The following DEPTOR variants were observed in gnomAD, a reference collection of about 807,000 sequenced individuals.
The protein encoded by DEPTOR is DEP domain containing MTOR interacting protein, also known as DEP domain-containing mTOR-interacting protein.
A neutral mutation model predicts 41.6 loss-of-function variants in DEPTOR; 41 were observed. The observed-to-expected ratio is 0.98, with a 90% CI of 0.77 to 1.28. The LOEUF (loss-of-function observed/expected upper bound fraction) is 1.28. Among genes scored for constraint, DEPTOR ranks in the 50% most tolerant of loss-of-function variants. The pLI is 0.00. For synonymous variants in DEPTOR, 195 were observed against 192.3 expected (o/e 1.01, Z -0.12); for missense variants, 514 against 527.9 (o/e 0.97, Z 0.26).
chr8:119,906,646 A>G (rs1051646089), intron 1 of DEPTOR, among the ~76,000 whole-genome samples: 1 of 152,066 alleles, frequency 6.6e-6, no homozygotes. Flanking sequence ...TAGGCACCCA[A>G]TAAATATGGA....
chr8:119,970,985 T>C (rs986714452), intron 4 of DEPTOR, among the ~76,000 whole-genome samples: 4 of 152,032 alleles, frequency 2.6e-5, no homozygotes, highest in African/African-American at 4.8e-5. Flanking sequence ...AATCCCAGCA[T>C]TCTGGGAGGC....
intron 1 of DEPTOR, among the ~76,000 whole-genome samples, chr8:119,900,380 C>CTTTTTTTTTTTTTGTTTTT (rs1827574251): frequency 2.3e-5 from 1 of 43,908 alleles, no homozygotes; most frequent in Non-Finnish European, 3.5e-5. Context: ...CACCCCTCAC[C>CTTTTTTTTTTTTTGTTTTT]TTTTTTTTTT....
chr8:120,026,416 T>C (rs1043926835), intron 8 of DEPTOR, among the ~76,000 whole-genome samples: 8 of 147,736 alleles, frequency 5.4e-5, no homozygotes, highest in African/African-American at 2.0e-4. Context: ...GATCTCGGCT[T>C]ACTGCAACCT....
chr8:120,020,970 A>C (rs1812697795), intron 8 of DEPTOR, among the ~76,000 whole-genome samples: 1 of 151,846 alleles, frequency 6.6e-6, no homozygotes, highest in African/African-American at 2.4e-5. Context: ...GAGGCAAGAG[A>C]ATCACTCGAA....
At chr8:119,990,185 G>A (rs748805074) in intron 4 of DEPTOR, among the ~76,000 whole-genome samples, 9 of 152,054 alleles carry the variant, frequency 5.9e-5, no homozygotes, top group Non-Finnish European at 1.3e-4. Flanking sequence ...TTGAGACGGA[G>A]TCTCACTCTG....
chr8:120,039,362 C>T (rs1813024230), intron 8 of DEPTOR, among the ~76,000 whole-genome samples: 1 of 152,090 alleles, frequency 6.6e-6, no homozygotes, highest in South Asian at 2.1e-4. Context: ...TTGTAGCAGC[C>T]CAAACAGACG....
rs763167104 is a variant in DEPTOR, at chr8:119,928,381, T to G, written c.123-19T>G. ...GCTGTCATCAGAATTTCCAAAGTAA[T>G]TGCTAATTTTTCTTTCAGGCTCAGG... On this transcript the variant is annotated intron_variant, in intron 1 of 8. Coordinates refer to ENST00000286234, the MANE Select transcript of DEPTOR (RefSeq NM_022783.4). 6.2e-7 allele frequency: 1 copy of G among 1,604,862 alleles called. No individual in the cohort carries two copies. The highest frequency in any genetic ancestry group is 1.1e-5 in the South Asian group (1 of 89,484).
intron 3 of DEPTOR, among the ~76,000 whole-genome samples, chr8:119,953,012 A>G (rs141397003): frequency 1.3e-5 from 2 of 152,238 alleles, no homozygotes; most frequent in African/African-American, 4.8e-5. Flanking sequence ...TGAAAATTAT[A>G]TCAATTTAGC....
chr8:120,034,345 A>G (rs1812941581), intron 8 of DEPTOR, among the ~76,000 whole-genome samples: 1 of 151,932 alleles, frequency 6.6e-6, no homozygotes, highest in African/African-American at 2.4e-5. Context: ...TGGAGGAAGA[A>G]TAAGGAGAAT....
Position 120,049,866 on chromosome 8 carries a change from A to G in DEPTOR, c.*162A>G. On this transcript the variant is annotated 3_prime_UTR_variant, in exon 9 of 9. Transcript: ENST00000286234. ...GTTGAGTTTTATACACTGAATGTGG[A>G]AGAACCGGGTATCATATCTTTTTTA... 1 of 753,306 alleles carries G rather than the reference A, an allele frequency of 1.3e-6. No individual in the cohort carries two copies. Among genetic ancestry groups the G allele is most frequent in the Non-Finnish European group, 1.9e-6 (1 of 524,064 alleles). The allele number at this position is 753,306 out of a possible 1,614,324, so 46.7% of individuals were successfully genotyped here. A position where few individuals can be genotyped will look rare whatever the true frequency, so the allele number is the denominator to read the frequency against.
chr8:120,023,468 C>T (rs1812753634), intron 8 of DEPTOR, among the ~76,000 whole-genome samples: 2 of 152,074 alleles, frequency 1.3e-5, no homozygotes, highest in African/African-American at 2.4e-5. Flanking sequence ...TCTTATTCCA[C>T]ATACAGTCAC....
intron 1 of DEPTOR, among the ~76,000 whole-genome samples, chr8:119,879,929 G>T (rs1161749442): frequency 6.6e-6 from 1 of 152,024 alleles, no homozygotes; most frequent in African/African-American, 2.4e-5. Flanking sequence ...GGATCACGAG[G>T]TCAGGCATTC....
intron 1 of DEPTOR, among the ~76,000 whole-genome samples, chr8:119,913,877 CA>C (rs1259360378): frequency 6.6e-6 from 1 of 152,152 alleles, no homozygotes; most frequent in African/African-American, 2.4e-5. Flanking sequence ...GTTGGCTTAC[CA>C]TGCCCTAGCG....
chr8:119,982,428 C>A (rs150351693), intron 4 of DEPTOR, among the ~76,000 whole-genome samples: 4 of 152,268 alleles, frequency 2.6e-5, no homozygotes, highest in Non-Finnish European at 4.4e-5. Context: ...AGCTTTTGAT[C>A]TTATGTCTCT....
chr8:120,029,565 T>C (rs1285298892), intron 8 of DEPTOR, among the ~76,000 whole-genome samples: 1 of 152,016 alleles, frequency 6.6e-6, no homozygotes, highest in Non-Finnish European at 1.5e-5. Flanking sequence ...CTGGCTAATT[T>C]TTGTGTTTTT....
intron 7 of DEPTOR, among the ~76,000 whole-genome samples, chr8:120,008,631 T>C (rs1470125116): frequency 6.6e-6 from 1 of 152,138 alleles, no homozygotes; most frequent in Non-Finnish European, 1.5e-5. Flanking sequence ...GTGTATCATT[T>C]GGATACTGGG....
chr8:120,002,692 C>A lies in DEPTOR; in HGVS notation c.791-285C>A, dbSNP rs1305137912. On this transcript the variant is annotated intron_variant, in intron 5 of 8. Coordinates refer to ENST00000286234, the MANE Select transcript of DEPTOR (RefSeq NM_022783.4). ...ACTCAGGAGGCTGAGGCAAGAGAAT[C>A]GCATGAACCCAGGAGGCAGAGGTTG... 1.9e-4 allele frequency among the ~76,000 whole-genome samples: 28 copies of A among 145,670 alleles called. 1 individual carries two copies. Among genetic ancestry groups the A allele is most frequent in the Admixed American group, 7.1e-5 (1 of 14,048 alleles).
intron 3 of DEPTOR, among the ~76,000 whole-genome samples, chr8:119,953,423 A>G (rs1828378031): frequency 6.6e-6 from 1 of 152,082 alleles, no homozygotes; most frequent in South Asian, 2.1e-4. Flanking sequence ...TCTCTACTGA[A>G]AATACAAAAA....
intron 3 of DEPTOR, among the ~76,000 whole-genome samples, chr8:119,947,764 A>G (rs192338692): frequency 2.1e-4 from 32 of 152,298 alleles, no homozygotes; most frequent in Admixed American, 1.8e-3. Context: ...TCACAGTACA[A>G]AAGGATCATT....
Sources: gnomAD v4.1 joint callset for allele counts (sites outside exome capture counted in the v4.1 genomes callset) on GRCh38, gnomAD v4.1.1 for gene constraint, MANE v1.5 for transcripts, NCBI Gene and HGNC (gene_info 2026-07-23, HGNC 2026-07-21) for gene names.